UNC13C: variants seen among roughly 807,000 people sequenced by gnomAD.
The protein encoded by UNC13C is protein unc-13 homolog C.
In UNC13C, 174 loss-of-function variants were observed where a neutral mutation model predicts 245.4. The ratio of observed to expected loss-of-function variants is 0.71; its 90% CI spans 0.63 to 0.80. The LOEUF is 0.80. Ranked by LOEUF, UNC13C falls within the 30% of genes least tolerant of loss-of-function variation. The pLI is 0.00. For synonymous variants in UNC13C, 992 were observed against 895.1 expected (o/e 1.11, Z -1.93); for missense variants, 2,829 against 2,602.9 (o/e 1.09, Z -1.89).
At position 54,015,660 on chromosome 15, in the gene UNC13C, T is replaced by G; in HGVS notation, c.2757T>G (p.Asp919Glu). 1 of 1,613,582 alleles carries G rather than the reference T, an allele frequency of 6.2e-7. No homozygotes were observed. Among genetic ancestry groups the G allele is most frequent in the Non-Finnish European group, 8.5e-7 (1 of 1,179,712 alleles). ...AAACACCTTATGAAACCCCACAAGA[T>G]GAGGGTTATGATGGTCCAGCAGATG... is the stretch of plus-strand genomic sequence containing the variant. ...SYETPYETPQ[D>E]EGYDGPADDM... is the part of the protein sequence containing the mutation. The change falls in exon 2 of 33, where the codon GAT becomes GAG. Residue 919 changes from aspartate to glutamate, a missense_variant. Physicochemically the swap from Asp to Glu is conservative, Grantham distance 45. Coordinates refer to ENST00000260323, the MANE Select transcript of UNC13C (RefSeq NM_001080534.3).
chr15:53,877,609 G>T, the UNC13C span, among the ~76,000 whole-genome samples: 1 of 152,144 alleles, frequency 6.6e-6, no homozygotes, highest in Non-Finnish European at 1.5e-5. Flanking sequence ...GGAGGAGGAG[G>T]AGGGGTGAAG....
At chr15:54,455,382 C>G (rs2414310) in intron 19 of UNC13C, among the ~76,000 whole-genome samples, 67,202 of 149,810 alleles carry the variant, frequency 0.45, 15,424 homozygotes, top group East Asian at 0.71. Flanking sequence ...ACCCAGTAGA[C>G]GGATTGCTGG....
At chr15:54,296,643 G>A (rs1159315449) in intron 11 of UNC13C, among the ~76,000 whole-genome samples, 1 of 152,158 alleles carries the variant, frequency 6.6e-6, no homozygotes, top group Non-Finnish European at 1.5e-5. Context: ...GAATAACAGT[G>A]AAAAGTCAGC....
chr15:53,897,410 T>G, the UNC13C span, among the ~76,000 whole-genome samples: 1 of 152,218 alleles, frequency 6.6e-6, no homozygotes, highest in Non-Finnish European at 1.5e-5. Flanking sequence ...AGTACATGGA[T>G]AGCAACAATA....
chr15:53,973,585 T>TAA (rs34383212), upstream of UNC13C, among the ~76,000 whole-genome samples: 4,682 of 147,758 alleles, frequency 0.032, 121 homozygotes, highest in African/African-American at 0.055. Context: ...TCAACAAAAT[T>TAA]AAAAAAAAAA....
chr15:54,338,058 T>A (rs1487973820), intron 16 of UNC13C, among the ~76,000 whole-genome samples: 1 of 152,200 alleles, frequency 6.6e-6, no homozygotes, highest in Non-Finnish European at 1.5e-5. Flanking sequence ...ATCACCATTA[T>A]CTGGCATATA....
downstream of UNC13C, chr15:54,628,666 T>A (rs1411626709): frequency 6.6e-6 from 1 of 152,540 alleles, no homozygotes; most frequent in African/African-American, 2.4e-5. Flanking sequence ...CATTTAGGAA[T>A]AAAAACTCCA....
the UNC13C span, among the ~76,000 whole-genome samples, chr15:53,876,286 C>A: frequency 6.6e-6 from 1 of 152,134 alleles, no homozygotes; most frequent in Non-Finnish European, 1.5e-5. Context: ...AGCTCAAGTA[C>A]CAAACTTCCA....
chr15:54,360,033 C>A (rs758810253), intron 17 of UNC13C, among the ~76,000 whole-genome samples: 19 of 151,888 alleles, frequency 1.3e-4, no homozygotes, highest in Non-Finnish European at 2.8e-4. Context: ...TCACTTGTCT[C>A]AATGAATTAT....
rs553898316 is a variant in UNC13C, at chr15:54,196,674, C to T, written c.3072-38356C>T. Among the ~76,000 whole-genome samples, 6 of 152,092 alleles carry T rather than the reference C, an allele frequency of 3.9e-5. 1 individual carries two copies. The highest frequency in any genetic ancestry group is 8.8e-5 in the Non-Finnish European group (6 of 68,026). On this transcript the variant is annotated intron_variant, in intron 4 of 32. Transcript: ENST00000260323. ...AGGCTTTCAAGTTTAACTTGACTTG[C>T]AGTCAGTGAGTAATGTACCAATCTA...
the UNC13C span, among the ~76,000 whole-genome samples, chr15:53,966,050 C>G: frequency 6.6e-6 from 1 of 152,048 alleles, no homozygotes; most frequent in Non-Finnish European, 1.5e-5. Flanking sequence ...TAGGTTTCCC[C>G]GTGTCTCTCA....
At chr15:53,882,476 A>G in the UNC13C span, among the ~76,000 whole-genome samples, 1 of 152,190 alleles carries the variant, frequency 6.6e-6, no homozygotes, top group Non-Finnish European at 1.5e-5. Context: ...ACTTAATTTT[A>G]TAATATGTCT....
chr15:54,618,981 A>G (rs1469135786), intron 30 of UNC13C, among the ~76,000 whole-genome samples: 2 of 152,142 alleles, frequency 1.3e-5, no homozygotes, highest in African/African-American at 4.8e-5. Context: ...CAGTAAAAAT[A>G]TTTGTCTAAT....
At chr15:54,622,304 A>G (rs1900844835) in intron 30 of UNC13C, 23 bp from the exon 31 acceptor site, 2 of 1,555,988 alleles carry the variant, frequency 1.3e-6, no homozygotes, top group Non-Finnish European at 8.9e-7. Flanking sequence ...AGCTCAGGCC[A>G]GTAAGCCTCT....
intron 2 of UNC13C, among the ~76,000 whole-genome samples, chr15:54,061,291 C>G (rs1258603591): frequency 6.6e-6 from 1 of 152,062 alleles, no homozygotes; most frequent in Admixed American, 6.6e-5. Flanking sequence ...GTGTCTGATT[C>G]TTGGTGGACC....
chr15:54,424,431 A>G (rs2040716415), intron 19 of UNC13C, among the ~76,000 whole-genome samples: 1 of 151,840 alleles, frequency 6.6e-6, no homozygotes, highest in African/African-American at 2.4e-5. Flanking sequence ...GAAACCTTCC[A>G]GGGAAAGCTC....
chr15:54,392,960 T>C, intron 17 of UNC13C, 88 bp from the exon 18 acceptor site: 1 of 1,362,634 alleles, frequency 7.3e-7, no homozygotes, highest in East Asian at 2.6e-5. Context: ...ACAATCATTT[T>C]TCTTTGATCT....
At position 54,264,182 on chromosome 15, in the gene UNC13C, A is replaced by T; in HGVS notation, c.3463A>T (p.Ser1155Cys). ...TTCCATCATAGGAGCAGCAGAAAAG[A>T]GTTCTAAACATGGTGCCGAAGACAA... ...ADCLQRAAEKSSKHGAEDKTQ... is the reference protein window; with the variant it reads ...ADCLQRAAEKCSKHGAEDKTQ... The change falls in exon 9 of 33, where the codon AGT (serine) becomes TGT (cysteine). Residue 1155 changes from serine to cysteine, a missense_variant. Transcript: ENST00000260323. The T allele has an allele frequency of 6.3e-7, 1 of 1,577,932 alleles. No homozygotes were observed. Among genetic ancestry groups the T allele is most frequent in the Non-Finnish European group, 8.6e-7 (1 of 1,160,812 alleles).
At chr15:53,864,555 C>G in the UNC13C span, among the ~76,000 whole-genome samples, 27 of 152,268 alleles carry the variant, frequency 1.8e-4, no homozygotes, top group Non-Finnish European at 3.8e-4. Context: ...TCAAGTAGTT[C>G]CTGTGAATTT....
Sources: allele counts gnomAD v4.1 joint callset (sites outside exome capture counted in the v4.1 genomes callset), GRCh38; gene constraint gnomAD v4.1.1; transcripts MANE v1.5; gene names NCBI Gene and HGNC (gene_info 2026-07-23, HGNC 2026-07-21).